The following DCUN1D4 variants were observed in gnomAD, a reference collection of about 807,000 sequenced individuals.
DCUN1D4 encodes the protein defective in cullin neddylation 1 domain containing 4.
Under a neutral mutation model 47.9 loss-of-function variants are expected in DCUN1D4, and 22 were observed. The observed-to-expected ratio is 0.46, with a 90% CI of 0.33 to 0.66. The LOEUF is 0.66. DCUN1D4 is among the 30% of genes least tolerant of loss of function. The pLI, the probability that DCUN1D4 is intolerant of heterozygous loss-of-function variation, is 0.02. For synonymous variants in DCUN1D4, 121 were observed against 112.2 expected (o/e 1.08, Z -0.50); for missense variants, 301 against 340.8 (o/e 0.88, Z 0.92).
chr4:51,863,333 G>C (rs915483957), intron 1 of DCUN1D4, 104 bp from the exon 2 acceptor site: 6 of 901,202 alleles, frequency 6.7e-6, no homozygotes, highest in Non-Finnish European at 8.7e-6. Flanking sequence ...CAAATTAATT[G>C]AGATAGTATT....
chr4:51,909,260 A>C, intron 8 of DCUN1D4: 2 of 249,920 alleles, frequency 8.0e-6, no homozygotes, highest in South Asian at 7.6e-5. Flanking sequence ...GAATGATTAC[A>C]AACTCTGCAA....
At chr4:51,904,056 G>C (rs1732511935) in intron 8 of DCUN1D4, among the ~76,000 whole-genome samples, 1 of 151,620 alleles carries the variant, frequency 6.6e-6, no homozygotes, top group South Asian at 2.1e-4. Flanking sequence ...TTTAATTGGA[G>C]CTGGATATTA....
intron 1 of DCUN1D4, chr4:51,843,761 CG>C: frequency 3.4e-6 from 2 of 592,848 alleles, no homozygotes; most frequent in Non-Finnish European, 4.1e-6. Context: ...GAGGGGGGCG[CG>C]GGGGCGGGGA....
At chr4:51,868,752 T>C (rs1263162220) in intron 3 of DCUN1D4, among the ~76,000 whole-genome samples, 1 of 152,058 alleles carries the variant, frequency 6.6e-6, no homozygotes, top group East Asian at 1.9e-4. Context: ...ATCTTCCTCC[T>C]ACCAAAAGGA....
intron 6 of DCUN1D4, among the ~76,000 whole-genome samples, chr4:51,887,679 C>T (rs1729720221): frequency 6.6e-6 from 1 of 152,178 alleles, no homozygotes; most frequent in South Asian, 2.1e-4. Flanking sequence ...AGATCATTCT[C>T]TTCATTCAGG....
chr4:51,868,663 G>A (rs1440887721), intron 3 of DCUN1D4, among the ~76,000 whole-genome samples: 2 of 152,190 alleles, frequency 1.3e-5, no homozygotes, highest in African/African-American at 4.8e-5. Flanking sequence ...TACTGTGTGT[G>A]GAAGAGCCAA....
intron 5 of DCUN1D4, 85 bp downstream of exon 5, chr4:51,877,939 T>A: frequency 1.0e-6 from 1 of 968,540 alleles, no homozygotes; most frequent in Non-Finnish European, 1.5e-6. Flanking sequence ...TAAAAATGTG[T>A]ACATTTCAAA....
intron 1 of DCUN1D4, among the ~76,000 whole-genome samples, chr4:51,846,209 C>T (rs1722526118): frequency 6.6e-6 from 1 of 152,138 alleles, no homozygotes; most frequent in Non-Finnish European, 1.5e-5. Context: ...TTTTTAGGTT[C>T]CTTTTTGATT....
chr4:51,862,332 G>A (rs1725200236), intron 1 of DCUN1D4, among the ~76,000 whole-genome samples: 1 of 152,262 alleles, frequency 6.6e-6, no homozygotes, highest in African/African-American at 2.4e-5. Flanking sequence ...AGAAGAGAAA[G>A]TAAAGCTTTC....
At chr4:51,843,614 G>A in intron 1 of DCUN1D4, 1 of 1,255,946 alleles carries the variant, frequency 8.0e-7, no homozygotes, top group African/African-American at 1.6e-5. Flanking sequence ...TTGGGCTGTA[G>A]CGGGCAGGGC....
At chr4:51,894,221 C>A (rs1355036991) in intron 7 of DCUN1D4, among the ~76,000 whole-genome samples, 1 of 152,078 alleles carries the variant, frequency 6.6e-6, no homozygotes, top group Non-Finnish European at 1.5e-5. Flanking sequence ...AGTTGATGTC[C>A]TCATCAGTGA....
intron 7 of DCUN1D4, among the ~76,000 whole-genome samples, chr4:51,892,526 T>G (rs1336196073): frequency 6.6e-6 from 1 of 152,224 alleles, no homozygotes; most frequent in Non-Finnish European, 1.5e-5. Context: ...TATCTCTATA[T>G]ATTCTGATTT....
Position 51,891,738 on chromosome 4 carries a change from A to T in DCUN1D4, c.415-22A>T, listed in dbSNP as rs777527692. On this transcript the variant is annotated intron_variant, in intron 6 of 10. Transcript: ENST00000334635. ...AATTTGTGTAATATATTTTTTTTTA[A>T]TTGTGTATTTTTTTTTAACAGGTAG... The T allele has an allele frequency of 1.9e-6, 3 of 1,558,448 alleles. No homozygotes were observed. The African/African-American group carries it at 4.1e-5, about 22-fold the overall frequency.
chr4:51,912,338 G>C (rs1212591638), intron 9 of DCUN1D4, among the ~76,000 whole-genome samples: 2 of 152,162 alleles, frequency 1.3e-5, no homozygotes, highest in African/African-American at 2.4e-5. Context: ...ATCATCAACT[G>C]TTTCAGGACT....
At chr4:51,893,481 A>G (rs1325975940) in intron 7 of DCUN1D4, among the ~76,000 whole-genome samples, 1 of 151,028 alleles carries the variant, frequency 6.6e-6, no homozygotes, top group African/African-American at 2.4e-5. Context: ...GCTGGAGTGC[A>G]GTGGCGTGCT....
intron 1 of DCUN1D4, among the ~76,000 whole-genome samples, chr4:51,858,087 G>C (rs1724426476): frequency 6.6e-6 from 1 of 152,152 alleles, no homozygotes; most frequent in Admixed American, 6.5e-5. Flanking sequence ...ATGGGGCTCT[G>C]TTGGTCTGGC....
chr4:51,837,282 A>T, the DCUN1D4 span, among the ~76,000 whole-genome samples: 1 of 152,236 alleles, frequency 6.6e-6, no homozygotes, highest in Non-Finnish European at 1.5e-5. Flanking sequence ...TCCTGAGTAA[A>T]AAGGAAAAGA....
chr4:51,875,521 C>A (rs1227793440), intron 4 of DCUN1D4, among the ~76,000 whole-genome samples: 1 of 152,064 alleles, frequency 6.6e-6, no homozygotes, highest in Non-Finnish European at 1.5e-5. Flanking sequence ...TATTTACATA[C>A]CATAAAGTTC....
At chr4:51,834,096 CTTCT>C in the DCUN1D4 span, among the ~76,000 whole-genome samples, 4 of 43,582 alleles carry the variant, frequency 9.2e-5, no homozygotes, top group African/African-American at 2.1e-4. Context: ...CTTTTCTTTT[CTTCT>C]TTCTTTTTTT....
Sources: gnomAD v4.1 joint callset for allele counts (sites outside exome capture counted in the v4.1 genomes callset) on GRCh38, gnomAD v4.1.1 for gene constraint, MANE v1.5 for transcripts, NCBI Gene and HGNC (gene_info 2026-07-23, HGNC 2026-07-21) for gene names.